Variants in KIF15 observed in about 807,000 individuals in gnomAD.
The protein encoded by KIF15 is kinesin family member 15, also known as kinesin-like protein KIF15.
In KIF15, 140 loss-of-function variants were observed where a neutral mutation model predicts 190.6. The observed-to-expected ratio is 0.73, with a 90% CI of 0.64 to 0.84. The LOEUF (loss-of-function observed/expected upper bound fraction) is 0.84. Ranked by LOEUF, KIF15 falls within the 40% of genes least tolerant of loss-of-function variation. The pLI, the probability that KIF15 is intolerant of heterozygous loss-of-function variation, is 0.00. For missense variants in KIF15, 1,372 were observed against 1,584.4 expected, an observed-to-expected ratio of 0.87 and a Z score of 2.28; for synonymous variants, 528 against 551.3, an observed-to-expected ratio of 0.96 and a Z score of 0.59.
chr3:44,792,246 G>A (rs1266400745), intron 7 of KIF15, among the ~76,000 whole-genome samples: 2 of 151,916 alleles, frequency 1.3e-5, no homozygotes, highest in Non-Finnish European at 2.9e-5. Context: ...GGAGGCCAAG[G>A]TGGTGGATCA....
At chr3:44,789,149 A>C (rs145462922) in intron 7 of KIF15, among the ~76,000 whole-genome samples, 2,170 of 152,036 alleles carry the variant, frequency 0.014, 26 homozygotes, top group Admixed American at 0.024. Flanking sequence ...TCTTTTTCCA[A>C]CTTCTTAAGC....
At chr3:44,828,540 G>A (rs958055936) in intron 24 of KIF15, among the ~76,000 whole-genome samples, 1 of 152,126 alleles carries the variant, frequency 6.6e-6, no homozygotes, top group Non-Finnish European at 1.5e-5. Flanking sequence ...TTTCTAAAAC[G>A]CATCCTACCC....
At chr3:44,792,357 C>T (rs1180558388) in intron 7 of KIF15, among the ~76,000 whole-genome samples, 2 of 151,978 alleles carry the variant, frequency 1.3e-5, no homozygotes, top group East Asian at 3.9e-4. Flanking sequence ...GCCTGTACTC[C>T]CACCTACTCT....
rs146308060 is a variant in KIF15, at chr3:44,826,412, A to G, written c.2738A>G (p.Asn913Ser). 1.7e-5 allele frequency: 27 copies of G among 1,613,190 alleles called. No individual in the cohort carries two copies. The highest frequency in any genetic ancestry group is 1.8e-5 in the Non-Finnish European group (21 of 1,179,650). ...MELLEAEKER[N>S]NKLSLQFEED... ...CTTCTTGAGGCAGAAAAAGAACGCA[A>G]TAACAAATTATCATTACAGTTTGAA... Residue 913 changes from asparagine to serine, a missense_variant, in exon 22 of 35, where the codon AAT (asparagine) becomes AGT (serine). Transcript: ENST00000326047.
At chr3:44,767,057 G>T (rs550937951) in intron 1 of KIF15, among the ~76,000 whole-genome samples, 2 of 151,996 alleles carry the variant, frequency 1.3e-5, no homozygotes, top group Non-Finnish European at 1.5e-5. Context: ...TGATCCGCCC[G>T]CTTCGGCCTC....
At chr3:44,824,501 A>G (rs1697537066) in intron 20 of KIF15, among the ~76,000 whole-genome samples, 1 of 152,172 alleles carries the variant, frequency 6.6e-6, no homozygotes, top group Non-Finnish European at 1.5e-5. Context: ...TAGGTAATTT[A>G]TTGATAACTT....
At chr3:44,769,732 A>G (rs895193266) in intron 1 of KIF15, among the ~76,000 whole-genome samples, 8 of 152,064 alleles carry the variant, frequency 5.3e-5, no homozygotes, top group Admixed American at 6.5e-5. Flanking sequence ...GACCAAAAAT[A>G]TGTCTCAGGG....
In KIF15 at chr3:44,805,007, G is replaced by A; in HGVS notation, c.1688-20G>A. The A allele has an allele frequency of 1.3e-6, 2 of 1,576,702 alleles. No homozygotes were observed. The highest frequency in any genetic ancestry group is 1.9e-5 in the Admixed American group (1 of 51,544). On this transcript the variant is annotated intron_variant, in intron 14 of 34. Transcript: ENST00000326047. ...TCAGAAAAAAAAAAAAAAAGACTGA[G>A]ATTGTTTTCTTATTAACAGATCAGC...
intron 20 of KIF15, 138 bp downstream of exon 20, chr3:44,815,214 C>A (rs1707974999): frequency 2.8e-6 from 2 of 710,492 alleles, no homozygotes; most frequent in African/African-American, 1.9e-5. Context: ...ATATTGGAAG[C>A]CCCAGAGGTG....
chr3:44,811,384 G>A (rs1021613192), intron 17 of KIF15, among the ~76,000 whole-genome samples: 3 of 152,186 alleles, frequency 2.0e-5, no homozygotes, highest in South Asian at 2.1e-4. Context: ...GGTGGCTCAC[G>A]CCTGTAATCC....
At chr3:44,833,645 C>G (rs992085335) in intron 26 of KIF15, among the ~76,000 whole-genome samples, 7 of 138,888 alleles carry the variant, frequency 5.0e-5, no homozygotes, top group African/African-American at 1.7e-4. Flanking sequence ...ACAGATGAAG[C>G]TGTGCTCGCT....
At chr3:44,763,235 A>T (rs1201435390) in intron 1 of KIF15, among the ~76,000 whole-genome samples, 1 of 152,242 alleles carries the variant, frequency 6.6e-6, no homozygotes, top group Admixed American at 6.5e-5. Context: ...AAGTGGGAAC[A>T]CATGGGAGAA....
At chr3:44,828,124 A>G in intron 23 of KIF15, 90 bp from the exon 24 acceptor site, 1 of 869,646 alleles carries the variant, frequency 1.1e-6, no homozygotes, top group Non-Finnish European at 1.9e-6. Flanking sequence ...ACTCTATAAT[A>G]TGAAAAGCTG....
At chr3:44,862,135 T>TTGG (rs1411986919) in intron 6 of KIF15, 3 of 785,038 alleles carry the variant, frequency 3.8e-6, no homozygotes, top group Admixed American at 6.1e-5. Flanking sequence ...CGGGGCGCTG[T>TTGG]TGGTGCTGCT....
intron 6 of KIF15, chr3:44,865,400 G>A: frequency 1.7e-6 from 1 of 580,788 alleles, no homozygotes; most frequent in Non-Finnish European, 2.9e-6. Context: ...CAGTGCTTTG[G>A]ATTCTTCCTC....
At position 44,761,845 on chromosome 3, in the gene KIF15, G is replaced by C; in HGVS notation, c.-21G>C. 6.2e-7 allele frequency: 1 copy of C among 1,614,200 alleles called. No individual in the cohort carries two copies. Among genetic ancestry groups the C allele is most frequent in the Non-Finnish European group, 8.5e-7 (1 of 1,180,036 alleles). ...GGAGGCACCGGCTGCATTGTTTTCG[G>C]GATCGAGGGGTGAGGGCGCTATGGC... On this transcript the variant is annotated 5_prime_UTR_variant, in exon 1 of 35. Transcript: ENST00000326047.
At chr3:44,778,621 A>T (rs922769309) in intron 4 of KIF15, among the ~76,000 whole-genome samples, 1 of 152,174 alleles carries the variant, frequency 6.6e-6, no homozygotes, top group Non-Finnish European at 1.5e-5. Flanking sequence ...TTACACTCCA[A>T]GGTAGAGGAG....
chr3:44,865,252 G>C, intron 6 of KIF15: 1 of 1,591,988 alleles, frequency 6.3e-7, no homozygotes, highest in Non-Finnish European at 8.6e-7. Context: ...ATGTGGGACT[G>C]TATCCTAGGG....
chr3:44,786,302 A>T, intron 6 of KIF15, 93 bp from the exon 7 acceptor site: 1 of 994,588 alleles, frequency 1.0e-6, no homozygotes, highest in Non-Finnish European at 1.5e-6. Flanking sequence ...TAGGAAATTT[A>T]CATCTTGTGA....
Sources: allele counts gnomAD v4.1 joint callset (sites outside exome capture counted in the v4.1 genomes callset), GRCh38; gene constraint gnomAD v4.1.1; transcripts MANE v1.5; gene names NCBI Gene and HGNC (gene_info 2026-07-23, HGNC 2026-07-21).